Variants in ZSCAN30 observed in about 807,000 individuals in gnomAD.
The protein encoded by ZSCAN30 is zinc finger and SCAN domain containing 30.
A neutral mutation model predicts 44.3 loss-of-function variants in ZSCAN30; 37 were observed. The observed-to-expected ratio is 0.84, with a 90% CI of 0.64 to 1.10. The LOEUF (loss-of-function observed/expected upper bound fraction) is 1.10. Among genes scored for constraint, ZSCAN30 ranks in the 50% least tolerant of loss-of-function variants. The pLI is 0.00. For synonymous variants in ZSCAN30, 181 were observed against 204.6 expected, an observed-to-expected ratio of 0.88 and a Z score of 0.98; for missense variants, 549 against 582.6, an observed-to-expected ratio of 0.94 and a Z score of 0.59.
At chr18:35,278,788 T>C (rs2044408012) in intron 1 of ZSCAN30, among the ~76,000 whole-genome samples, 1 of 152,224 alleles carries the variant, frequency 6.6e-6, no homozygotes, top group South Asian at 2.1e-4. Context: ...GGTTCATTAG[T>C]TACAAGTTCT....
rs2043633940 is a variant in ZSCAN30 at position 35,252,485 on chromosome 18, T to C, written c.*965A>G. The stretch of plus-strand genomic sequence containing the variant: ...ATACTTGAGGGCAATAAATATTTGT[T>C]GAATTACTCCTTCAGATTCATTTTT... On this transcript the variant is annotated 3_prime_UTR_variant, in exon 4 of 4. Transcript: ENST00000333206. 6.6e-6 allele frequency: 1 copy of C among 152,218 alleles called. No individual in the cohort carries two copies. Among genetic ancestry groups the C allele is most frequent in the Non-Finnish European group, 1.5e-5 (1 of 68,036 alleles). The allele number at this position is 152,218 out of a possible 1,614,324, so 9.4% of individuals were successfully genotyped here. A position where few individuals can be genotyped will look rare whatever the true frequency, so the allele number is the denominator to read the frequency against.
rs760605160 is a variant in ZSCAN30, at chr18:35,253,964, G to C, written c.971C>G (p.Thr324Ser). Residue 324 changes from threonine (T) to serine (S), a missense_variant, in exon 4 of 4, where the codon ACT becomes AGT. Thr to Ser is a moderately conservative substitution (Grantham distance 58). Coordinates refer to ENST00000333206, the MANE Select transcript of ZSCAN30 (RefSeq NM_001112734.4). ...TTTACATGCATAAGGTCTCTCTCCA[G>C]TATGAATTCTCTGATGTCTAATCAG... ...SKLIRHQRIH[T>S]GERPYACKEC... The C allele has an allele frequency of 6.2e-7, 1 of 1,614,174 alleles. No homozygotes were observed. Among genetic ancestry groups the C allele is most frequent in the Non-Finnish European group, 8.5e-7 (1 of 1,180,024 alleles).
At chr18:35,271,019 T>G (rs868226776) in intron 1 of ZSCAN30, among the ~76,000 whole-genome samples, 3 of 152,180 alleles carry the variant, frequency 2.0e-5, no homozygotes, top group Admixed American at 1.3e-4. Context: ...CCCAGTAGGT[T>G]TGTGGTCTTG....
intron 1 of ZSCAN30, among the ~76,000 whole-genome samples, chr18:35,286,986 A>G (rs1453521158): frequency 6.6e-6 from 1 of 152,198 alleles, no homozygotes; most frequent in Non-Finnish European, 1.5e-5. Flanking sequence ...ATACAAGATT[A>G]ATATACAAAA....
chr18:35,280,275 CAAA>C (rs34002141), intron 1 of ZSCAN30, among the ~76,000 whole-genome samples: 17 of 122,386 alleles, frequency 1.4e-4, no homozygotes, highest in Non-Finnish European at 1.6e-4. Flanking sequence ...TACTTTGTCT[CAAA>C]AAAAAAAAAA....
intron 1 of ZSCAN30, among the ~76,000 whole-genome samples, chr18:35,267,286 GC>G (rs1208136243): frequency 3.3e-5 from 1 of 30,122 alleles, no homozygotes; most frequent in Admixed American, 4.3e-4. Flanking sequence ...GACCAAAAAG[GC>G]GGGGTGGCTG....
intron 3 of ZSCAN30, chr18:35,261,329 A>G (rs1395585137): frequency 6.6e-6 from 1 of 152,182 alleles, no homozygotes; most frequent in Non-Finnish European, 1.5e-5. Context: ...TGTCTTGGCT[A>G]TAAGGGCTCT....
chr18:35,288,434 T>A (rs1883576975), intron 1 of ZSCAN30, among the ~76,000 whole-genome samples: 1 of 152,172 alleles, frequency 6.6e-6, no homozygotes, highest in South Asian at 2.1e-4. Flanking sequence ...TGGGTTTTTT[T>A]AAACATTAAA....
chr18:35,266,327 G>A (rs2044147967), intron 1 of ZSCAN30, among the ~76,000 whole-genome samples: 1 of 152,124 alleles, frequency 6.6e-6, no homozygotes, highest in Non-Finnish European at 1.5e-5. Flanking sequence ...CCAGAGAGTG[G>A]CGTGGAGAAG....
At chr18:35,266,195 C>G (rs906095445) in intron 1 of ZSCAN30, among the ~76,000 whole-genome samples, 23 of 152,198 alleles carry the variant, frequency 1.5e-4, no homozygotes, top group African/African-American at 5.5e-4. Flanking sequence ...AGGTTAAGAA[C>G]CCGGTGCCAG....
At chr18:35,281,655 C>G (rs1159710764) in intron 1 of ZSCAN30, 1 of 151,824 alleles carries the variant, frequency 6.6e-6, no homozygotes, top group Non-Finnish European at 1.5e-5. Flanking sequence ...TCCTGATTAC[C>G]AAAAGAATTA....
intron 1 of ZSCAN30, among the ~76,000 whole-genome samples, chr18:35,266,333 A>G (rs2044148155): frequency 6.6e-6 from 1 of 152,036 alleles, no homozygotes; most frequent in South Asian, 2.1e-4. Flanking sequence ...AGTGGCGTGG[A>G]GAAGACATGG....
At chr18:35,261,205 G>A (rs1274991155) in intron 3 of ZSCAN30, 2 of 152,060 alleles carry the variant, frequency 1.3e-5, no homozygotes, top group East Asian at 3.9e-4. Context: ...TGTTCCATTG[G>A]TCTATGTGTC....
At chr18:35,270,965 A>G (rs1240139626) in intron 1 of ZSCAN30, among the ~76,000 whole-genome samples, 2 of 152,172 alleles carry the variant, frequency 1.3e-5, no homozygotes, top group Non-Finnish European at 2.9e-5. Context: ...AAGGTGGTGC[A>G]TCTGGAGTTT....
At chr18:35,259,002 G>A (rs1177713330) in intron 3 of ZSCAN30, 1 of 152,836 alleles carries the variant, frequency 6.5e-6, no homozygotes, top group Non-Finnish European at 1.5e-5. Context: ...AAAGTTGGGA[G>A]TATTTCATAT....
At chr18:35,283,823 G>A (rs2032818357) in intron 1 of ZSCAN30, 1 of 152,352 alleles carries the variant, frequency 6.6e-6, no homozygotes, top group Admixed American at 6.5e-5. Flanking sequence ...GGTGAGCAAG[G>A]GGCATGTTTC....
intron 1 of ZSCAN30, chr18:35,266,657 ATTTTTTTTTTTTTT>A (rs34611791): frequency 1.3e-5 from 1 of 78,612 alleles, no homozygotes. Flanking sequence ...ATTTCTCCTA[ATTTTTTTTTTTTTT>A]TTTTTTTTTT....
chr18:35,267,523 C>T (rs1298489569), intron 1 of ZSCAN30: 4 of 152,094 alleles, frequency 2.6e-5, no homozygotes, highest in African/African-American at 9.7e-5. Flanking sequence ...GGAGCGAGAA[C>T]AATGCCCGGC....
chr18:35,263,469 C>G lies in ZSCAN30; in HGVS notation c.553+44G>C, dbSNP rs200690092. 9.7e-4 allele frequency: 1,564 copies of G among 1,610,052 alleles called. 4 individuals are homozygous for G. Among genetic ancestry groups the G allele is most frequent in the South Asian group, 1.4e-3 (123 of 90,952 alleles). ...AAATGAACCGTGCCACAGTTGATAG[C>G]TCTCACCTCCATCCTCAACCCCACA... is the stretch of plus-strand genomic sequence containing the variant. On this transcript the variant is annotated intron_variant, in intron 3 of 3. Transcript: ENST00000333206.
Sources: allele counts gnomAD v4.1 joint callset (sites outside exome capture counted in the v4.1 genomes callset), GRCh38; gene constraint gnomAD v4.1.1; transcripts MANE v1.5; gene names NCBI Gene and HGNC (gene_info 2026-07-23, HGNC 2026-07-21).